ASIC2: variants seen among roughly 807,000 people sequenced by gnomAD.
The protein encoded by ASIC2 is acid-sensing ion channel 2.
ASIC2 carries 25 observed loss-of-function variants against 57.3 expected under a neutral mutation model. The observed-to-expected ratio is 0.44, with a 90% confidence interval of 0.32 to 0.61. ASIC2 has a LOEUF of 0.61. ASIC2 is among the 20% of genes least tolerant of loss of function. The pLI is 0.06. For synonymous variants in ASIC2, 319 were observed against 307.5 expected, an observed-to-expected ratio of 1.04 and a Z score of -0.39; for missense variants, 641 against 738.1, an observed-to-expected ratio of 0.87 and a Z score of 1.52.
At chr17:34,057,713 G>GT (rs1462339455) in intron 1 of ASIC2, among the ~76,000 whole-genome samples, 2 of 152,164 alleles carry the variant, frequency 1.3e-5, no homozygotes, top group African/African-American at 2.4e-5. Context: ...GTTAGGATTA[G>GT]TGCTAGTGCT....
chr17:34,023,727 C>G (rs927783301), intron 1 of ASIC2, among the ~76,000 whole-genome samples: 1 of 152,138 alleles, frequency 6.6e-6, no homozygotes, highest in Non-Finnish European at 1.5e-5. Flanking sequence ...TCTGCCAGAG[C>G]CTTGACTTTG....
At position 33,773,072 on chromosome 17, in the gene ASIC2, A is replaced by C. The variant is rs956056257; in HGVS notation, c.555+382906T>G. ...CACATATTCACGGCCATCTGACTCA[A>C]ATGTAGTGAAATGGTTCAAACTCCT... On this transcript the variant is annotated intron_variant, in intron 1 of 9. Coordinates refer to the ASIC2 transcript ENST00000359872. Among the ~76,000 whole-genome samples, 28 of 152,214 alleles carry C rather than the reference A, an allele frequency of 1.8e-4. 1 individual carries two copies. Among genetic ancestry groups the C allele is most frequent in the Non-Finnish European group, 3.7e-4 (25 of 68,020 alleles).
chr17:33,271,484 C>A lies in ASIC2; in HGVS notation c.708+19924G>T, dbSNP rs969119513. Among the ~76,000 whole-genome samples the A allele has an allele frequency of 3.3e-5, 5 of 152,310 alleles. No homozygotes were observed. The East Asian group carries it at 9.6e-4, about 29-fold the overall frequency. ...TGAATTCGCCTCCCACCTCTCTCAA[C>A]ACCCATATCTAATCTCCCCCAGCCT... On this transcript the variant is annotated intron_variant, in intron 1 of 9. Coordinates refer to ENST00000225823, the MANE Select transcript of ASIC2 (RefSeq NM_183377.2).
intron 1 of ASIC2, among the ~76,000 whole-genome samples, chr17:33,660,630 T>C (rs1379973388): frequency 6.6e-6 from 1 of 152,188 alleles, no homozygotes; most frequent in African/African-American, 2.4e-5. Context: ...TGTACATAAT[T>C]GTATGTGCTG....
At chr17:33,594,938 T>C (rs868147208) in intron 1 of ASIC2, among the ~76,000 whole-genome samples, 3 of 151,562 alleles carry the variant, frequency 2.0e-5, no homozygotes, top group South Asian at 2.1e-4. Flanking sequence ...GTAAAATTGA[T>C]GGCGAGGTGC....
chr17:33,647,833 A>C (rs1906794405), intron 1 of ASIC2, among the ~76,000 whole-genome samples: 1 of 152,194 alleles, frequency 6.6e-6, no homozygotes, highest in African/African-American at 2.4e-5. Context: ...GGCTGAGGGA[A>C]TTCTCTGGGC....
chr17:33,266,286 C>T lies in ASIC2; in HGVS notation c.708+25122G>A, dbSNP rs758769728. Reference sequence around the variant, plus strand: ...CCCCAGGGGGCAGCAACTGCTGTGACGATCTTCTTCCCTGCCATATCCACA... The same window carrying T: ...CCCCAGGGGGCAGCAACTGCTGTGATGATCTTCTTCCCTGCCATATCCACA... On this transcript the variant is annotated intron_variant, in intron 1 of 9. Transcript: ENST00000225823. Among the ~76,000 whole-genome samples, 6 of 152,294 alleles carry T rather than the reference C, an allele frequency of 3.9e-5. No homozygotes were observed. In the South Asian group the frequency reaches 6.2e-4, roughly 16 times the overall value.
chr17:33,709,948 A>G (rs1230613328), intron 1 of ASIC2, among the ~76,000 whole-genome samples: 1 of 152,190 alleles, frequency 6.6e-6, no homozygotes, highest in Non-Finnish European at 1.5e-5. Context: ...TCACGGCAGT[A>G]TTTATACCCC....
chr17:34,094,590 G>A (rs1236505173), intron 1 of ASIC2, among the ~76,000 whole-genome samples: 1 of 152,278 alleles, frequency 6.6e-6, no homozygotes, highest in Non-Finnish European at 1.5e-5. Context: ...GTGTTCAGTT[G>A]GGTTCCACAG....
chr17:33,423,138 G>C (rs537288549), intron 1 of ASIC2, among the ~76,000 whole-genome samples: 1 of 152,304 alleles, frequency 6.6e-6, no homozygotes, highest in African/African-American at 2.4e-5. Context: ...CTCGGTCATG[G>C]CCATACATTA....
At chr17:33,132,903 G>T (rs769890919) in intron 1 of ASIC2, among the ~76,000 whole-genome samples, 8 of 152,140 alleles carry the variant, frequency 5.3e-5, no homozygotes, top group Non-Finnish European at 8.8e-5. Context: ...ATCATGAGCT[G>T]AATTTTAATT....
chr17:33,912,481 A>AAAAC (rs376754849), intron 1 of ASIC2, among the ~76,000 whole-genome samples: 4 of 151,838 alleles, frequency 2.6e-5, no homozygotes, highest in Admixed American at 6.6e-5. Flanking sequence ...CCTCCATCTC[A>AAAAC]AAACAAACAA....
chr17:33,840,331 G>A (rs1271929775), intron 1 of ASIC2, among the ~76,000 whole-genome samples: 1 of 152,132 alleles, frequency 6.6e-6, no homozygotes, highest in African/African-American at 2.4e-5. Flanking sequence ...AAACGTTTCT[G>A]GGGAGGGGTT....
Position 33,806,620 on chromosome 17 carries a change from C to G in ASIC2, c.555+349358G>C, listed in dbSNP as rs577834506. ...ATCTCTTAATTCCTAAACCAGGTGT[C>G]AAGCACGGGCCTTCTGAATATTTAT... On this transcript the variant is annotated intron_variant, in intron 1 of 9. Transcript: ENST00000359872. Among the ~76,000 whole-genome samples the G allele has an allele frequency of 2.0e-5, 3 of 152,364 alleles. No homozygotes were observed. In the East Asian group the frequency reaches 5.8e-4, roughly 29 times the overall value.
At chr17:33,954,478 T>C (rs1339310368) in intron 1 of ASIC2, among the ~76,000 whole-genome samples, 2 of 152,130 alleles carry the variant, frequency 1.3e-5, no homozygotes, top group African/African-American at 4.8e-5. Flanking sequence ...CTTATTACAT[T>C]GAAGCAGCAA....
chr17:33,868,181 A>ATGTGTGTGTGTATGTGTG (rs1286652242), intron 1 of ASIC2, among the ~76,000 whole-genome samples: 1 of 150,126 alleles, frequency 6.7e-6, no homozygotes, highest in Non-Finnish European at 1.5e-5. Context: ...CAACAAATGT[A>ATGTGTGTGTGTATGTGTG]TGTGTGTGTG....
chr17:33,579,928 T>C (rs1322871249), intron 1 of ASIC2: 2 of 152,194 alleles, frequency 1.3e-5, no homozygotes, highest in African/African-American at 4.8e-5. Context: ...GAGAGCTGAT[T>C]GGTCCATTTT....
intron 1 of ASIC2, among the ~76,000 whole-genome samples, chr17:33,583,763 C>G (rs908657930): frequency 6.6e-6 from 1 of 152,168 alleles, no homozygotes; most frequent in Non-Finnish European, 1.5e-5. Flanking sequence ...GGTGAGCACT[C>G]AAGCAGCTTG....
chr17:33,534,825 T>C (rs1291690558), intron 1 of ASIC2, among the ~76,000 whole-genome samples: 1 of 152,208 alleles, frequency 6.6e-6, no homozygotes, highest in Non-Finnish European at 1.5e-5. Context: ...TCATTCTCTG[T>C]GTATGAATGC....
Sources: gnomAD v4.1 joint callset for allele counts (sites outside exome capture counted in the v4.1 genomes callset) on GRCh38, gnomAD v4.1.1 for gene constraint, MANE v1.5 for transcripts, NCBI Gene and HGNC (gene_info 2026-07-23, HGNC 2026-07-21) for gene names.